The following GALNT10 variants were observed in gnomAD, a reference collection of about 807,000 sequenced individuals.
The protein encoded by GALNT10 is GalNAc transferase 10.
Under a neutral mutation model 75.0 loss-of-function variants are expected in GALNT10, and 41 were observed. That is an observed-to-expected ratio of 0.55 (90% CI 0.43 to 0.71). The LOEUF (loss-of-function observed/expected upper bound fraction) is 0.71, where lower values mean the gene tolerates loss of function less well. Ranked by LOEUF, GALNT10 falls within the 30% of genes least tolerant of loss-of-function variation. GALNT10 has a pLI of 0.00. For missense variants in GALNT10, 727 were observed against 818.5 expected (o/e 0.89, Z 1.36); for synonymous variants, 302 against 313.0 (o/e 0.96, Z 0.37).
At chr5:154,235,042 T>C (rs1753223845) in intron 1 of GALNT10, among the ~76,000 whole-genome samples, 1 of 152,100 alleles carries the variant, frequency 6.6e-6, no homozygotes, top group African/African-American at 2.4e-5. Context: ...AGGGAAATAG[T>C]CTAGTACATA....
intron 1 of GALNT10, among the ~76,000 whole-genome samples, chr5:154,245,849 G>A (rs1377804480): frequency 1.4e-5 from 2 of 148,078 alleles, no homozygotes; most frequent in Non-Finnish European, 3.0e-5. Flanking sequence ...GGGTACATGT[G>A]CACAACGTGC....
intron 4 of GALNT10, among the ~76,000 whole-genome samples, chr5:154,365,571 A>G (rs904300713): frequency 6.6e-6 from 1 of 152,180 alleles, no homozygotes; most frequent in Non-Finnish European, 1.5e-5. Flanking sequence ...ACCCACGTGC[A>G]CCAAACCATC....
chr5:154,301,285 C>T (rs1443941469), intron 3 of GALNT10, among the ~76,000 whole-genome samples: 1 of 152,202 alleles, frequency 6.6e-6, no homozygotes, highest in Non-Finnish European at 1.5e-5. Context: ...TTTGCTTTCA[C>T]ATCACTTACA....
chr5:154,216,531 ATTAT>A (rs1326599669), intron 1 of GALNT10, among the ~76,000 whole-genome samples: 3 of 152,222 alleles, frequency 2.0e-5, no homozygotes, highest in African/African-American at 7.2e-5. Context: ...CTGAGTTCAG[ATTAT>A]TTGTGTTCAT....
chr5:154,198,083 G>A (rs1774972898), intron 1 of GALNT10, among the ~76,000 whole-genome samples: 1 of 152,184 alleles, frequency 6.6e-6, no homozygotes, highest in African/African-American at 2.4e-5. Flanking sequence ...AGGTCATGTG[G>A]TGGTGGTGTG....
intron 3 of GALNT10, among the ~76,000 whole-genome samples, chr5:154,309,608 GT>G (rs1754482831): frequency 6.6e-6 from 1 of 152,132 alleles, no homozygotes; most frequent in African/African-American, 2.4e-5. Context: ...GGAGATGGAG[GT>G]GCCAGGATTT....
chr5:154,298,225 T>C lies in GALNT10; in HGVS notation c.401+146T>C. On this transcript the variant is annotated intron_variant, in intron 3 of 11. Coordinates refer to ENST00000297107, the MANE Select transcript of GALNT10 (RefSeq NM_198321.4). The surrounding 1 kb of genome is among the most constrained non-coding windows in gnomAD (Gnocchi z 4.1). ...GCATTTGTGCAAAGGTTCATGGTGT[T>C]GAGGGGTAGGAGATAATACTGTCTC... is the stretch of plus-strand genomic sequence containing the variant. The C allele has an allele frequency of 1.3e-6, 1 of 745,802 alleles. No individual in the cohort carries two copies. The allele number at this position is 745,802 out of a possible 1,614,324, so 46.2% of individuals were successfully genotyped here.
chr5:154,206,845 G>A (rs903130365), intron 1 of GALNT10, among the ~76,000 whole-genome samples: 1 of 152,252 alleles, frequency 6.6e-6, no homozygotes, highest in African/African-American at 2.4e-5. Context: ...TTTGAGCAGA[G>A]GATGACTTGA....
intron 10 of GALNT10, 116 bp downstream of exon 10, chr5:154,413,121 C>T (rs1195574026): frequency 4.4e-6 from 3 of 679,418 alleles, no homozygotes; most frequent in Non-Finnish European, 7.7e-6. Context: ...TGACAAGAGT[C>T]AGCCCCGGGG....
intron 1 of GALNT10, among the ~76,000 whole-genome samples, chr5:154,271,994 A>G (rs1318864105): frequency 3.3e-5 from 5 of 152,204 alleles, no homozygotes; most frequent in African/African-American, 1.2e-4. Flanking sequence ...CTCAAATAAT[A>G]CAACTTATAA....
chr5:154,396,851 G>A (rs1480966024), intron 7 of GALNT10, among the ~76,000 whole-genome samples: 1 of 152,132 alleles, frequency 6.6e-6, no homozygotes, highest in Admixed American at 6.5e-5. Flanking sequence ...ACTAGGCTGG[G>A]CGCGGTGGCT....
intron 2 of GALNT10, among the ~76,000 whole-genome samples, chr5:154,296,737 C>A (rs1256861228): frequency 1.3e-5 from 2 of 152,208 alleles, no homozygotes; most frequent in Non-Finnish European, 2.9e-5. Context: ...AGGGCCTGAA[C>A]TCTGCATTGG....
At chr5:154,280,283 A>G (rs1754020296) in intron 1 of GALNT10, among the ~76,000 whole-genome samples, 2 of 152,290 alleles carry the variant, frequency 1.3e-5, no homozygotes, top group South Asian at 4.1e-4. Flanking sequence ...AGATAGGAAG[A>G]GGTAGGTTAA....
chr5:154,269,830 G>T (rs1184779407), intron 1 of GALNT10, among the ~76,000 whole-genome samples: 1 of 152,204 alleles, frequency 6.6e-6, no homozygotes, highest in East Asian at 1.9e-4. Flanking sequence ...GAGGGACTGG[G>T]CTCTTGAGTC....
intron 1 of GALNT10, among the ~76,000 whole-genome samples, chr5:154,261,279 G>T (rs1753694786): frequency 6.7e-6 from 1 of 148,956 alleles, no homozygotes; most frequent in South Asian, 2.1e-4. Context: ...AAAAAAAACA[G>T]CATTAGTTCA....
At chr5:154,273,241 T>C (rs1753897450) in intron 1 of GALNT10, among the ~76,000 whole-genome samples, 1 of 152,188 alleles carries the variant, frequency 6.6e-6, no homozygotes. Flanking sequence ...CCCAGTTACT[T>C]GCTGAGCATG....
At chr5:154,311,045 T>A (rs1468603834) in intron 3 of GALNT10, among the ~76,000 whole-genome samples, 1 of 152,216 alleles carries the variant, frequency 6.6e-6, no homozygotes, top group Non-Finnish European at 1.5e-5. Context: ...TGGCTGCCTA[T>A]CAACTAAAAA....
In GALNT10 at chr5:154,269,227, G is replaced by A. The variant is rs558774595; in HGVS notation, c.160-25589G>A. On this transcript the variant is annotated intron_variant, in intron 1 of 11. Coordinates refer to ENST00000297107, the MANE Select transcript of GALNT10 (RefSeq NM_198321.4). ...TCTCCATCTCCTGACCTCGTGATCC[G>A]CCTGCCTCAGCCTCCCAAAGTGCAC... Among the ~76,000 whole-genome samples the A allele has an allele frequency of 4.7e-4, 72 of 151,960 alleles. 1 individual carries two copies. Among genetic ancestry groups the A allele is most frequent in the Admixed American group, 1.6e-3 (24 of 15,276 alleles).
intron 4 of GALNT10, chr5:154,338,133 C>T (rs1361298316): frequency 1.1e-6 from 1 of 931,396 alleles, no homozygotes; most frequent in African/African-American, 1.6e-5. Flanking sequence ...GAGTGGGCAC[C>T]TGGTCTTTGA....
Sources: allele counts gnomAD v4.1 joint callset (sites outside exome capture counted in the v4.1 genomes callset), GRCh38; gene constraint gnomAD v4.1.1; non-coding constraint Gnocchi (gnomAD v3.1); transcripts MANE v1.5; gene names NCBI Gene and HGNC (gene_info 2026-07-23, HGNC 2026-07-21).